CCSER1: variants seen among roughly 807,000 people sequenced by gnomAD.
CCSER1 encodes coiled-coil serine rich protein 1, also known as serine-rich coiled-coil domain-containing protein 1.
CCSER1 carries 41 observed loss-of-function variants against 82.0 expected under a neutral mutation model. The observed-to-expected ratio is 0.50, with a 90% CI of 0.39 to 0.65. CCSER1 has a LOEUF of 0.65. Ranked by LOEUF, CCSER1 falls within the 30% of genes least tolerant of loss-of-function variation. CCSER1 has a pLI of 0.00. For synonymous variants in CCSER1, 414 were observed against 383.9 expected, an observed-to-expected ratio of 1.08 and a Z score of -0.92; for missense variants, 1,119 against 1,064.2, an observed-to-expected ratio of 1.05 and a Z score of -0.72.
intron 9 of CCSER1, among the ~76,000 whole-genome samples, chr4:90,975,176 CAGAA>C (rs1181737298): frequency 6.6e-6 from 1 of 151,094 alleles, no homozygotes; most frequent in African/African-American, 2.4e-5. Context: ...TTTATGGAGA[CAGAA>C]AGTATATTTG....
intron 3 of CCSER1, among the ~76,000 whole-genome samples, chr4:90,386,131 A>G (rs1750008089): frequency 6.6e-6 from 1 of 152,194 alleles, no homozygotes. Flanking sequence ...TACCACCATC[A>G]TTTGTTCACA....
intron 10 of CCSER1, among the ~76,000 whole-genome samples, chr4:91,253,081 G>A (rs1421044880): frequency 6.6e-6 from 1 of 151,884 alleles, no homozygotes; most frequent in Non-Finnish European, 1.5e-5. Context: ...AACTGCATGG[G>A]TTCACTTACA....
At chr4:90,424,675 A>G (rs772820184) in intron 4 of CCSER1, among the ~76,000 whole-genome samples, 8 of 152,336 alleles carry the variant, frequency 5.3e-5, no homozygotes, top group Non-Finnish European at 8.8e-5. Flanking sequence ...AGAAGAAGCC[A>G]GCTTCAACCA....
chr4:90,835,733 G>A (rs376587981), intron 8 of CCSER1, among the ~76,000 whole-genome samples: 1 of 152,258 alleles, frequency 6.6e-6, no homozygotes, highest in South Asian at 2.1e-4. Context: ...TCCCAGAGAG[G>A]TATCTCCAAC....
chr4:90,961,199 A>G (rs2084140858), intron 9 of CCSER1, among the ~76,000 whole-genome samples: 1 of 152,144 alleles, frequency 6.6e-6, no homozygotes, highest in Non-Finnish European at 1.5e-5. Flanking sequence ...TTCCTTATTT[A>G]GAGTTCACTT....
At chr4:91,122,050 A>T (rs1727137143) in intron 10 of CCSER1, among the ~76,000 whole-genome samples, 2 of 151,746 alleles carry the variant, frequency 1.3e-5, no homozygotes, top group Non-Finnish European at 3.0e-5. Context: ...TCCAAAAATA[A>T]TTTTGAAGTT....
intron 10 of CCSER1, among the ~76,000 whole-genome samples, chr4:91,596,600 G>C (rs1578887718): frequency 2.0e-5 from 3 of 152,172 alleles, no homozygotes; most frequent in South Asian, 2.1e-4. Context: ...TATTGGGAAA[G>C]AGCCAAGAAG....
chr4:90,651,253 G>A (rs1302317267), intron 6 of CCSER1, among the ~76,000 whole-genome samples: 1 of 151,986 alleles, frequency 6.6e-6, no homozygotes, highest in African/African-American at 2.4e-5. Flanking sequence ...GTTTATTGTG[G>A]CACTATTCAC....
chr4:90,466,167 GT>G lies in CCSER1; in HGVS notation c.1604-2065del, dbSNP rs1247723635. ...CAGATGTAATTAAGGCTACTAATAA[GT>G]TGACTTTCAGTTAATCAAAAAGGAA... On this transcript the variant is annotated intron_variant, in intron 4 of 10. Transcript: ENST00000509176. Among the ~76,000 whole-genome samples the G allele has an allele frequency of 2.9e-3, 448 of 152,292 alleles. 12 individuals carry two copies. Among genetic ancestry groups the G allele is most frequent in the Non-Finnish European group, 8.5e-4 (58 of 68,020 alleles).
intron 5 of CCSER1, among the ~76,000 whole-genome samples, chr4:90,486,595 C>T (rs1244210384): frequency 6.6e-6 from 1 of 152,166 alleles, no homozygotes; most frequent in Non-Finnish European, 1.5e-5. Flanking sequence ...ATGAAAACCT[C>T]ATTTCTACTT....
chr4:90,848,174 G>A (rs1763434677), intron 8 of CCSER1, among the ~76,000 whole-genome samples: 1 of 152,110 alleles, frequency 6.6e-6, no homozygotes, highest in South Asian at 2.1e-4. Flanking sequence ...GGAATTTATT[G>A]TTCAGAAGAT....
intron 9 of CCSER1, among the ~76,000 whole-genome samples, chr4:90,954,255 C>T (rs1733205312): frequency 6.6e-6 from 1 of 151,948 alleles, no homozygotes; most frequent in African/African-American, 2.4e-5. Flanking sequence ...ATTTTGCATA[C>T]CTCAAAGTAA....
At chr4:90,943,315 T>G (rs1731816564) in intron 9 of CCSER1, among the ~76,000 whole-genome samples, 1 of 152,174 alleles carries the variant, frequency 6.6e-6, no homozygotes, top group African/African-American at 2.4e-5. Flanking sequence ...AGATTTAGGG[T>G]TCAATTTATA....
intron 9 of CCSER1, among the ~76,000 whole-genome samples, chr4:91,070,916 G>A (rs1479119653): frequency 6.6e-6 from 1 of 152,114 alleles, no homozygotes; most frequent in Non-Finnish European, 1.5e-5. Flanking sequence ...CTGTGGTGTT[G>A]TAGATAGTGT....
At chr4:91,593,426 A>T (rs2110345421) in intron 10 of CCSER1, among the ~76,000 whole-genome samples, 1 of 149,182 alleles carries the variant, frequency 6.7e-6, no homozygotes, top group South Asian at 2.1e-4. Flanking sequence ...TTTAATATTA[A>T]TGAAATAAAT....
intron 8 of CCSER1, among the ~76,000 whole-genome samples, chr4:90,861,602 T>C (rs1765092798): frequency 1.3e-5 from 2 of 151,578 alleles, no homozygotes; most frequent in Non-Finnish European, 3.0e-5. Flanking sequence ...TTTTGCTTGA[T>C]GAAGTAAAAA....
chr4:91,319,519 G>A (rs922580416), intron 10 of CCSER1: 19 of 388,752 alleles, frequency 4.9e-5, no homozygotes, highest in Admixed American at 1.2e-4. Context: ...CTTTGTTATG[G>A]ATAAGAAAAT....
intron 4 of CCSER1, among the ~76,000 whole-genome samples, chr4:90,434,018 T>C (rs1308009932): frequency 6.6e-6 from 1 of 151,974 alleles, no homozygotes; most frequent in Admixed American, 6.6e-5. Flanking sequence ...GTTTAAAAGA[T>C]TATATATTAT....
chr4:90,671,275 G>C (rs750491303), intron 6 of CCSER1, among the ~76,000 whole-genome samples: 7 of 151,982 alleles, frequency 4.6e-5, no homozygotes, highest in Non-Finnish European at 1.0e-4. Flanking sequence ...TTTCTCTGTA[G>C]CACGTGATGC....
Sources: gnomAD v4.1 joint callset for allele counts (sites outside exome capture counted in the v4.1 genomes callset) on GRCh38, gnomAD v4.1.1 for gene constraint, MANE v1.5 for transcripts, NCBI Gene and HGNC (gene_info 2026-07-23, HGNC 2026-07-21) for gene names.